PINX1: variants seen among roughly 807,000 people sequenced by gnomAD.
PINX1 encodes PIN2 (TERF1) interacting telomerase inhibitor 1.
Under a neutral mutation model 25.4 loss-of-function variants are expected in PINX1, and 34 were observed. The observed-to-expected ratio is 1.34, with a 90% CI of 1.02 to 1.78. The LOEUF is 1.78. Ranked by LOEUF, PINX1 falls within the 40% of genes most tolerant of loss-of-function variation. The pLI is 0.00. For missense variants in PINX1, 592 were observed against 404.9 expected (o/e 1.46, Z -3.97); for synonymous variants, 197 against 147.7 (o/e 1.33, Z -2.42).
At chr8:10,823,181 T>G (rs1212947427) in intron 5 of PINX1, among the ~76,000 whole-genome samples, 2 of 152,204 alleles carry the variant, frequency 1.3e-5, no homozygotes, top group African/African-American at 4.8e-5. Flanking sequence ...GGGGCGGGGC[T>G]GACTGCGCTG....
rs563186044 is a variant in PINX1 at position 10,815,590 on chromosome 8, G to C, written c.471+4603C>G. On this transcript the variant is annotated intron_variant, in intron 6 of 6. Coordinates refer to ENST00000314787, the MANE Select transcript of PINX1 (RefSeq NM_017884.6). ...CCTTCGAAAATCCAATGAAAGCTCT[G>C]CACATGGGCCCACACATGTTTTGCA... is the stretch of plus-strand genomic sequence containing the variant. 2.6e-5 allele frequency among the ~76,000 whole-genome samples: 4 copies of C among 152,170 alleles called. No homozygotes were observed. In the South Asian group the frequency reaches 8.3e-4, roughly 32 times the overall value.
chr8:10,787,615 A>G (rs1801793295), intron 6 of PINX1: 2 of 317,734 alleles, frequency 6.3e-6, no homozygotes, highest in South Asian at 5.7e-5. Flanking sequence ...GATGGCAAGA[A>G]CCATTTACCT....
At chr8:10,771,592 C>A (rs117512309) in intron 6 of PINX1, among the ~76,000 whole-genome samples, 1 of 152,182 alleles carries the variant, frequency 6.6e-6, no homozygotes, top group African/African-American at 2.4e-5. Context: ...TAATGAGGAA[C>A]AAGGTACAGT....
intron 6 of PINX1, among the ~76,000 whole-genome samples, chr8:10,818,006 C>T (rs1210794387): frequency 2.6e-5 from 4 of 152,142 alleles, no homozygotes; most frequent in South Asian, 2.1e-4. Context: ...TTAATTTAAT[C>T]GGTCTTGGGC....
chr8:10,827,566 A>T (rs964492455), intron 4 of PINX1, among the ~76,000 whole-genome samples: 5 of 151,976 alleles, frequency 3.3e-5, no homozygotes, highest in Admixed American at 6.6e-5. Context: ...AGAGAGACTA[A>T]ATTTTCCTAC....
rs143926728 is a variant in PINX1 at position 10,775,410 on chromosome 8, G to GTT, written c.472-9496_472-9495dup. On this transcript the variant is annotated intron_variant, in intron 6 of 6. Transcript: ENST00000314787. ...AAGGATTAGTTCTGTCTGTTTTGTG[G>GTT]TTTTTTTTTTTTTTTTTTTTTTTTT... is the stretch of plus-strand genomic sequence containing the variant. 9.9e-4 allele frequency among the ~76,000 whole-genome samples: 109 copies of GTT among 109,556 alleles called. 1 individual carries two copies. Among genetic ancestry groups the GTT allele is most frequent in the African/African-American group, 2.0e-3 (63 of 31,176 alleles). The allele number at this position is 109,556 out of a possible 152,430, so 71.9% of individuals were successfully genotyped here.
At chr8:10,819,594 A>T (rs950169663) in intron 6 of PINX1, among the ~76,000 whole-genome samples, 2 of 152,242 alleles carry the variant, frequency 1.3e-5, no homozygotes, top group Non-Finnish European at 2.9e-5. Context: ...TATACAGCCC[A>T]ATTTAATAAT....
intron 6 of PINX1, among the ~76,000 whole-genome samples, chr8:10,808,450 T>C (rs1402696380): frequency 6.6e-6 from 1 of 152,256 alleles, no homozygotes; most frequent in Non-Finnish European, 1.5e-5. Flanking sequence ...TATATTACTT[T>C]GATTAAAAAA....
At chr8:10,794,487 T>C (rs1204240905) in intron 6 of PINX1, among the ~76,000 whole-genome samples, 1 of 151,602 alleles carries the variant, frequency 6.6e-6, no homozygotes, top group East Asian at 1.9e-4. Flanking sequence ...CAGGCTGGAG[T>C]GCACTAGCGC....
At chr8:10,772,927 A>ATT (rs71538086) in intron 6 of PINX1, among the ~76,000 whole-genome samples, 33 of 146,626 alleles carry the variant, frequency 2.3e-4, no homozygotes, top group Admixed American at 4.8e-4. Context: ...GTTTTTAATG[A>ATT]TTTTTTTTTT....
chr8:10,770,636 C>T lies in PINX1; in HGVS notation c.472-4720G>A, dbSNP rs193164568. Among the ~76,000 whole-genome samples the T allele has an allele frequency of 7.2e-5, 11 of 152,314 alleles. No individual in the cohort carries two copies. In the East Asian group the frequency reaches 1.5e-3, roughly 21 times the overall value. Reference sequence around the variant, plus strand: ...TGTATACTGAGATGGATTATTAGTACAATGCCCAAATAGAGAGGATTCTCC... The same window carrying T: ...TGTATACTGAGATGGATTATTAGTATAATGCCCAAATAGAGAGGATTCTCC... On this transcript the variant is annotated intron_variant, in intron 6 of 6. Coordinates refer to ENST00000314787, the MANE Select transcript of PINX1 (RefSeq NM_017884.6).
intron 6 of PINX1, among the ~76,000 whole-genome samples, chr8:10,807,042 G>A (rs1387557895): frequency 9.9e-5 from 15 of 152,174 alleles, no homozygotes; most frequent in Admixed American, 1.3e-4. Flanking sequence ...AAGGATCATC[G>A]GACTATGTGG....
In PINX1 at chr8:10,765,894, G is replaced by T. The variant is rs1282967594; in HGVS notation, c.494C>A (p.Pro165Gln). Reference protein sequence around the residue: ...TPEGDASPSTPEENETTTTSA... With the variant: ...TPEGDASPSTQEENETTTTSA... ...GGTTGTCGTGGTTTCGTTCTCCTCTGGAGTGGAGGGACTGGCATCGCCCTA... is the reference window on the plus strand; with the variant it reads ...GGTTGTCGTGGTTTCGTTCTCCTCTTGAGTGGAGGGACTGGCATCGCCCTA... Residue 165 changes from proline (P) to glutamine (Q), a missense_variant, in exon 7 of 7, where the codon CCA (proline) becomes CAA (glutamine). By Grantham distance (76) the Pro-to-Gln change is moderately conservative (BLOSUM62 -1). Coordinates refer to ENST00000314787, the MANE Select transcript of PINX1 (RefSeq NM_017884.6). The T allele has an allele frequency of 1.2e-6, 2 of 1,613,776 alleles. No individual in the cohort carries two copies. Among genetic ancestry groups the T allele is most frequent in the South Asian group, 2.2e-5 (2 of 91,082 alleles).
At chr8:10,795,463 C>T (rs564125261) in intron 6 of PINX1, among the ~76,000 whole-genome samples, 3 of 152,326 alleles carry the variant, frequency 2.0e-5, no homozygotes, top group South Asian at 2.1e-4. Flanking sequence ...TGCGGTGGCG[C>T]GATCTCGGCT....
chr8:10,833,021 C>T (rs755394291), intron 2 of PINX1, 37 bp from the exon 3 acceptor site: 1 of 1,285,768 alleles, frequency 7.8e-7, no homozygotes, highest in East Asian at 2.4e-5. Context: ...GAACATTCCT[C>T]TCACTGATAC....
At chr8:10,793,464 T>C (rs1801987796) in intron 6 of PINX1, among the ~76,000 whole-genome samples, 1 of 152,100 alleles carries the variant, frequency 6.6e-6, no homozygotes, top group African/African-American at 2.4e-5. Context: ...TTAAAAAAAA[T>C]TGCAAAAATA....
At chr8:10,808,751 C>G (rs1802534257) in intron 6 of PINX1, among the ~76,000 whole-genome samples, 1 of 152,106 alleles carries the variant, frequency 6.6e-6, no homozygotes, top group African/African-American at 2.4e-5. Flanking sequence ...CTGATTTTCA[C>G]CTATTGGTAA....
chr8:10,799,826 G>T (rs572149430), intron 6 of PINX1, among the ~76,000 whole-genome samples: 1 of 152,160 alleles, frequency 6.6e-6, no homozygotes, highest in Non-Finnish European at 1.5e-5. Flanking sequence ...GAATTTTACT[G>T]GGCAAAGTAG....
At chr8:10,798,245 T>G (rs1802152581) in intron 6 of PINX1, among the ~76,000 whole-genome samples, 1 of 152,240 alleles carries the variant, frequency 6.6e-6, no homozygotes, top group African/African-American at 2.4e-5. Flanking sequence ...CCCACTGAAG[T>G]GTGCGTGTAT....
Sources: gnomAD v4.1 joint callset for allele counts (sites outside exome capture counted in the v4.1 genomes callset) on GRCh38, gnomAD v4.1.1 for gene constraint, MANE v1.5 for transcripts, NCBI Gene and HGNC (gene_info 2026-07-23, HGNC 2026-07-21) for gene names.